Variants in KSR2 observed in about 807,000 individuals in gnomAD.
The protein encoded by KSR2 is kinase suppressor of ras 2.
In KSR2, 25 loss-of-function variants were observed where a neutral mutation model predicts 107.8. The observed-to-expected ratio is 0.23, with a 90% CI of 0.17 to 0.32. KSR2 has a LOEUF of 0.32. KSR2 is among the 10% of genes least tolerant of loss of function. The pLI is 1.00. For missense variants in KSR2, 887 were observed against 1,268.9 expected (o/e 0.70, Z 4.57); for synonymous variants, 480 against 507.0 (o/e 0.95, Z 0.71).
At chr12:117,717,727 G>A (rs1887052702) in intron 4 of KSR2, among the ~76,000 whole-genome samples, 1 of 151,526 alleles carries the variant, frequency 6.6e-6, no homozygotes, top group South Asian at 2.1e-4. Flanking sequence ...GCGCGCGCGT[G>A]CATGCACGTG....
chr12:117,575,658 G>C (rs903444612), intron 7 of KSR2, among the ~76,000 whole-genome samples: 5 of 152,176 alleles, frequency 3.3e-5, no homozygotes, highest in African/African-American at 9.7e-5. Flanking sequence ...ACTGGAGATA[G>C]CTCTCAATTC....
At chr12:117,688,768 G>A (rs1216868553) in intron 4 of KSR2, among the ~76,000 whole-genome samples, 3 of 152,134 alleles carry the variant, frequency 2.0e-5, no homozygotes, top group Admixed American at 6.5e-5. Flanking sequence ...GGATACAACT[G>A]CACACGCCAT....
rs766423118 is a variant in KSR2, at chr12:117,761,031, C to T, written c.966G>A (p.Val322=). The T allele has an allele frequency of 6.2e-7, 1 of 1,613,724 alleles. No individual in the cohort carries two copies. Among genetic ancestry groups the T allele is most frequent in the Non-Finnish European group, 8.5e-7 (1 of 1,179,744 alleles). The change falls in exon 4 of 20, where the codon GTG becomes GTA. Residue 322 remains valine (V), a synonymous_variant. Transcript: ENST00000339824. The part of the protein sequence containing the change: ...KSHEFQLGHR[V]DEAHTPKAKK... ...CTCACTTGGGCGTGTGGGCCTCGTC[C>T]ACGCGGTGCCCCAGCTGGAACTCGT...
intron 4 of KSR2, among the ~76,000 whole-genome samples, chr12:117,758,839 C>T (rs898666086): frequency 2.6e-5 from 4 of 152,014 alleles, no homozygotes; most frequent in Non-Finnish European, 5.9e-5. Flanking sequence ...AGTGGTGCAC[C>T]CTGGGAAAGG....
At chr12:117,615,381 T>C (rs1010174540) in intron 5 of KSR2, among the ~76,000 whole-genome samples, 1 of 33,870 alleles carries the variant, frequency 3.0e-5, no homozygotes, top group African/African-American at 1.6e-4. Context: ...TGCCAACCAA[T>C]GTTAAATGCT....
intron 5 of KSR2, among the ~76,000 whole-genome samples, chr12:117,584,435 G>A (rs373211397): frequency 9.2e-5 from 14 of 152,078 alleles, no homozygotes; most frequent in Admixed American, 2.6e-4. Flanking sequence ...AAGGGTTAGC[G>A]TCCTCACAAG....
At chr12:117,534,324 G>A (rs979027426) in intron 10 of KSR2, among the ~76,000 whole-genome samples, 1 of 152,154 alleles carries the variant, frequency 6.6e-6, no homozygotes, top group Non-Finnish European at 1.5e-5. Flanking sequence ...GAGTCTCTCT[G>A]GAGGCCACTT....
chr12:117,931,942 T>C (rs1895705126), intron 1 of KSR2, among the ~76,000 whole-genome samples: 1 of 152,154 alleles, frequency 6.6e-6, no homozygotes, highest in African/African-American at 2.4e-5. Context: ...ATGGAGGACA[T>C]TATGCCCAAG....
chr12:117,594,660 CAG>C (rs1880527225), intron 5 of KSR2, among the ~76,000 whole-genome samples: 1 of 152,058 alleles, frequency 6.6e-6, no homozygotes, highest in East Asian at 1.9e-4. Flanking sequence ...AAGGAGGATA[CAG>C]AGAGTCCCCA....
chr12:117,594,726 C>A (rs1384016074), intron 5 of KSR2, among the ~76,000 whole-genome samples: 1 of 152,168 alleles, frequency 6.6e-6, no homozygotes, highest in East Asian at 1.9e-4. Context: ...AAGAGTTAAA[C>A]CAGCCCAACC....
At chr12:117,494,663 T>G (rs1462932943) in intron 14 of KSR2, among the ~76,000 whole-genome samples, 1 of 152,100 alleles carries the variant, frequency 6.6e-6, no homozygotes, top group African/African-American at 2.4e-5. Flanking sequence ...TCCTACAAGC[T>G]GAAGGTCTAG....
chr12:117,737,519 G>A lies in KSR2; in HGVS notation c.986+23492C>T, dbSNP rs187981232. Among the ~76,000 whole-genome samples the A allele has an allele frequency of 5.3e-3, 812 of 152,006 alleles. 2 individuals carry two copies. Among genetic ancestry groups the A allele is most frequent in the Middle Eastern group, 0.01 (3 of 292 alleles). ...TTTTTGAGGCCAGGTGCGGTGGCTC[G>A]TGCCTGTAATCCCACCACTTTGGGA... is the stretch of plus-strand genomic sequence containing the variant. On this transcript the variant is annotated intron_variant, in intron 4 of 19. Coordinates refer to ENST00000339824, the MANE Select transcript of KSR2 (RefSeq NM_173598.6).
At chr12:117,497,248 T>G (rs772316306) in intron 14 of KSR2, among the ~76,000 whole-genome samples, 13 of 152,182 alleles carry the variant, frequency 8.5e-5, no homozygotes, top group Non-Finnish European at 1.9e-4. Context: ...TTTGCTCGAA[T>G]GAGCTGACAT....
At chr12:117,793,231 C>G (rs1329211943) in intron 3 of KSR2, among the ~76,000 whole-genome samples, 1 of 139,838 alleles carries the variant, frequency 7.2e-6, no homozygotes, top group South Asian at 2.2e-4. Context: ...CACCAACATG[C>G]ACACACACCA....
At chr12:117,954,737 C>T (rs1465077323) in intron 1 of KSR2, among the ~76,000 whole-genome samples, 2 of 152,118 alleles carry the variant, frequency 1.3e-5, no homozygotes, top group South Asian at 2.1e-4. Context: ...AATTTGTGGC[C>T]GGGCACAGTG....
chr12:117,722,043 T>A (rs997568360), intron 4 of KSR2, among the ~76,000 whole-genome samples: 1 of 151,848 alleles, frequency 6.6e-6, no homozygotes, highest in Non-Finnish European at 1.5e-5. Flanking sequence ...CATTTAATTT[T>A]ATTTTTTTTT....
At position 117,524,961 on chromosome 12, in the gene KSR2, G is replaced by A; in HGVS notation, c.2110C>T (p.Leu704Phe). The A allele has an allele frequency of 6.2e-7, 1 of 1,613,894 alleles. No individual in the cohort carries two copies. The highest frequency in any genetic ancestry group is 8.5e-7 in the Non-Finnish European group (1 of 1,179,856). Reference sequence around the variant, plus strand: ...ATCACCTCCCGCTTGAAGGCCTTGAGCTGGTCCTCGTTGTCCCTCTCAATG... The same window carrying A: ...ATCACCTCCCGCTTGAAGGCCTTGAACTGGTCCTCGTTGTCCCTCTCAATG... ...IDIERDNEDQ[L>F]KAFKREVMAY... is the part of the protein sequence containing the mutation. Residue 704 changes from leucine (L) to phenylalanine (F), a missense_variant, in exon 14 of 20, where the codon CTC (leucine) becomes TTC (phenylalanine). Transcript: ENST00000339824.
chr12:117,834,064 C>T (rs1566038601), intron 3 of KSR2, among the ~76,000 whole-genome samples: 1 of 151,808 alleles, frequency 6.6e-6, no homozygotes, highest in Non-Finnish European at 1.5e-5. Flanking sequence ...CGGCTTGAGC[C>T]TGGCAGGCAA....
chr12:117,855,137 T>C (rs1893056474), intron 3 of KSR2, among the ~76,000 whole-genome samples: 1 of 152,192 alleles, frequency 6.6e-6, no homozygotes, highest in East Asian at 1.9e-4. Context: ...GACCCTGGTC[T>C]CCTATTCACA....
Sources: gnomAD v4.1 joint callset for allele counts (sites outside exome capture counted in the v4.1 genomes callset) on GRCh38, gnomAD v4.1.1 for gene constraint, MANE v1.5 for transcripts, NCBI Gene and HGNC (gene_info 2026-07-23, HGNC 2026-07-21) for gene names.